Variants in SCN11A observed in about 807,000 individuals in gnomAD.
The protein encoded by SCN11A is sodium channel protein type 11 subunit alpha.
SCN11A carries 122 observed loss-of-function variants against 162.2 expected under a neutral mutation model. The observed-to-expected ratio is 0.75, with a 90% CI of 0.65 to 0.87. The LOEUF (loss-of-function observed/expected upper bound fraction) is 0.87. Ranked by LOEUF, SCN11A falls within the 40% of genes least tolerant of loss-of-function variation. The pLI is 0.00. For missense variants in SCN11A, 2,015 were observed against 2,181.6 expected, an observed-to-expected ratio of 0.92 and a Z score of 1.52; for synonymous variants, 758 against 751.5, an observed-to-expected ratio of 1.01 and a Z score of -0.14.
chr3:38,908,060 G>C lies in SCN11A; in HGVS notation c.1362C>G (p.Thr454=). 6.2e-7 allele frequency: 1 copy of C among 1,613,084 alleles called. No individual in the cohort carries two copies. Among genetic ancestry groups the C allele is most frequent in the Non-Finnish European group, 8.5e-7 (1 of 1,179,744 alleles). Residue 454 remains threonine (T), a synonymous_variant, in exon 14 of 30, where the codon ACC becomes ACG. Coordinates refer to ENST00000302328, the MANE Select transcript of SCN11A (RefSeq NM_001349253.2). The part of the protein sequence containing the change: ...SLTSLETSYF[T]PKKRKLFGNK... ...TACCAAAGAGCTTTCTCTTTTTTGG[G>C]GTAAAATATGATGTTTCAAGGGAAG...
Position 38,846,223 on chromosome 3 carries a change from C to T in SCN11A, c.*471G>A, listed in dbSNP as rs1225211653. ...CCGTCTCCCAGGTTTAAGCGATTCTCCTGCCTCAGCCTCCCAAGTAGCTGG... is the reference window on the plus strand; with the variant it reads ...CCGTCTCCCAGGTTTAAGCGATTCTTCTGCCTCAGCCTCCCAAGTAGCTGG... On this transcript the variant is annotated 3_prime_UTR_variant, in exon 30 of 30. Coordinates refer to ENST00000302328, the MANE Select transcript of SCN11A (RefSeq NM_001349253.2). 6.3e-6 allele frequency: 1 copy of T among 159,280 alleles called. No homozygotes were observed. The highest frequency in any genetic ancestry group is 1.4e-5 in the Non-Finnish European group (1 of 71,708). 9.9% of individuals were successfully genotyped at this position (159,280 alleles called of 1,614,324 possible).
chr3:38,907,993 C>G lies in SCN11A; in HGVS notation c.1429G>C (p.Asp477His), dbSNP rs753043684. ...TCAGAATCTGACCCAGGAGGCTGGT[C>G]TTTCCCAGACTCTCTCAAAAAGAAG... ...KSFFLRESGK[D>H]QPPGSDSDED... Residue 477 changes from aspartate to histidine, a missense_variant, in exon 14 of 30, where the codon GAC (aspartate) becomes CAC (histidine). Coordinates refer to ENST00000302328, the MANE Select transcript of SCN11A (RefSeq NM_001349253.2). 1 of 1,610,896 alleles carries G rather than the reference C, an allele frequency of 6.2e-7. No individual in the cohort carries two copies. The highest frequency in any genetic ancestry group is 1.7e-5 in the Admixed American group (1 of 59,330).
intron 1 of SCN11A, among the ~76,000 whole-genome samples, chr3:39,038,510 G>A (rs899920659): frequency 2.0e-5 from 3 of 152,242 alleles, no homozygotes; most frequent in African/African-American, 7.2e-5. Context: ...TATAACCATT[G>A]CTTCCAATGT....
At chr3:38,932,567 A>T (rs1338917692) in intron 7 of SCN11A, among the ~76,000 whole-genome samples, 1 of 152,328 alleles carries the variant, frequency 6.6e-6, no homozygotes, top group East Asian at 1.9e-4. Flanking sequence ...CCAGGAGATT[A>T]TATCCCGCAC....
intron 11 of SCN11A, among the ~76,000 whole-genome samples, chr3:38,911,130 T>A (rs2065881775): frequency 6.6e-6 from 1 of 152,226 alleles, no homozygotes; most frequent in Non-Finnish European, 1.5e-5. Flanking sequence ...GATTAACTTC[T>A]TGCTATGGTA....
chr3:38,942,818 C>T (rs1485565722), intron 7 of SCN11A, among the ~76,000 whole-genome samples: 1 of 151,962 alleles, frequency 6.6e-6, no homozygotes, highest in African/African-American at 2.4e-5. Flanking sequence ...AAAATCAAAG[C>T]AAATTGAATG....
intron 2 of SCN11A, among the ~76,000 whole-genome samples, chr3:38,963,282 G>A (rs966989751): frequency 2.1e-5 from 3 of 144,606 alleles, no homozygotes; most frequent in Admixed American, 7.1e-5. Flanking sequence ...ATTCACAACT[G>A]CAAAATCATG....
intron 23 of SCN11A, among the ~76,000 whole-genome samples, chr3:38,878,201 C>T (rs893882522): frequency 2.5e-5 from 3 of 119,872 alleles, no homozygotes; most frequent in Non-Finnish European, 5.4e-5. Flanking sequence ...TAAACCCACC[C>T]ATCTCAGCCT....
At chr3:38,902,932 C>CAT (rs2065727455) in intron 16 of SCN11A, among the ~76,000 whole-genome samples, 1 of 151,818 alleles carries the variant, frequency 6.6e-6, no homozygotes, top group South Asian at 2.1e-4. Context: ...TACATACACA[C>CAT]ATACATACAT....
Position 38,885,417 on chromosome 3 carries a change from A to T in SCN11A, c.2950-15T>A, listed in dbSNP as rs1378775142. On this transcript the variant is annotated splice_polypyrimidine_tract_variant and intron_variant, in intron 20 of 29. Coordinates refer to ENST00000302328, the MANE Select transcript of SCN11A (RefSeq NM_001349253.2). ...ACATCAGACTTCTGCACATCAGAAC[A>T]AAACGAAGGGGGTGCCTTTTACTAA... 1 of 1,436,012 alleles carries T rather than the reference A, an allele frequency of 7.0e-7. No individual in the cohort carries two copies. Among genetic ancestry groups the T allele is most frequent in the Non-Finnish European group, 9.8e-7 (1 of 1,018,072 alleles). 89.0% of individuals were successfully genotyped at this position (1,436,012 alleles called of 1,614,324 possible).
intron 2 of SCN11A, among the ~76,000 whole-genome samples, chr3:39,030,079 A>T (rs1486823670): frequency 6.6e-6 from 1 of 152,138 alleles, no homozygotes. Context: ...TAAGGCAGAA[A>T]CTGCTTAAAG....
Position 38,847,541 on chromosome 3 carries a change from ATAAACATAATCAGAAAGAG to A in SCN11A, c.4510_4528del (p.Leu1504SerfsTer7). The A allele has an allele frequency of 6.2e-7, 1 of 1,614,198 alleles. No individual in the cohort carries two copies. Among genetic ancestry groups the A allele is most frequent in the East Asian group, 2.2e-5 (1 of 44,878 alleles). On this transcript the variant is annotated frameshift_variant, in exon 30 of 30. Coordinates refer to ENST00000302328, the MANE Select transcript of SCN11A (RefSeq NM_001349253.2). LOFTEE classifies it low-confidence loss of function (END_TRUNC). ...CCAGTTCATACCCAGAATGGCATAGATAAACATAATCAGAAAGAGTAGAAGACCAATGTTGAACAGAGAA... is the reference window on the plus strand; with the variant it reads ...CCAGTTCATACCCAGAATGGCATAGATAGAAGACCAATGTTGAACAGAGAA...
intron 17 of SCN11A, 83 bp from the exon 18 acceptor site, chr3:38,897,308 A>G (rs1355622146): frequency 7.3e-7 from 1 of 1,366,956 alleles, no homozygotes; most frequent in South Asian, 1.5e-5. Flanking sequence ...AGCAAATGAC[A>G]TATACCCAAA....
chr3:38,862,260 T>C (rs756138521), intron 28 of SCN11A, among the ~76,000 whole-genome samples: 18 of 152,028 alleles, frequency 1.2e-4, no homozygotes, highest in Non-Finnish European at 1.8e-4. Flanking sequence ...ATGGATGTGG[T>C]GAAAAGGGAA....
intron 2 of SCN11A, among the ~76,000 whole-genome samples, chr3:39,021,034 ATC>A (rs768878571): frequency 3.4e-4 from 52 of 151,372 alleles, no homozygotes; most frequent in African/African-American, 1.1e-3. Flanking sequence ...TGACCATAAG[ATC>A]TGTTAAAAAA....
At chr3:38,939,889 G>C (rs1392895259) in intron 7 of SCN11A, among the ~76,000 whole-genome samples, 1 of 150,198 alleles carries the variant, frequency 6.7e-6, no homozygotes, top group African/African-American at 2.5e-5. Context: ...AGCGACAAGA[G>C]TGAAACCCCA....
intron 11 of SCN11A, among the ~76,000 whole-genome samples, chr3:38,913,948 T>C (rs956671801): frequency 1.3e-5 from 2 of 152,182 alleles, no homozygotes; most frequent in African/African-American, 4.8e-5. Flanking sequence ...TTTATACTTT[T>C]TACTTAGGAT....
In SCN11A at chr3:38,929,134, C is replaced by T. The variant is rs796899580; in HGVS notation, c.489-2203G>A. On this transcript the variant is annotated intron_variant, in intron 7 of 29. Coordinates refer to ENST00000302328, the MANE Select transcript of SCN11A (RefSeq NM_001349253.2). ...CTGTCAAAAATACTGGGTCTGTGCACGCACACACACACACACACACACACA... is the reference window on the plus strand; with the variant it reads ...CTGTCAAAAATACTGGGTCTGTGCATGCACACACACACACACACACACACA... Among the ~76,000 whole-genome samples, 6 of 95,650 alleles carry T rather than the reference C, an allele frequency of 6.3e-5. No homozygotes were observed. In the South Asian group the frequency reaches 1.4e-3, roughly 22 times the overall value. 62.8% of individuals were successfully genotyped at this position (95,650 alleles called of 152,430 possible). A position where few individuals can be genotyped will look rare whatever the true frequency, so the allele number is the denominator to read the frequency against.
intron 17 of SCN11A, among the ~76,000 whole-genome samples, chr3:38,897,544 G>A (rs924643228): frequency 5.9e-5 from 9 of 151,834 alleles, no homozygotes; most frequent in African/African-American, 9.7e-5. Context: ...GTGAAACCCC[G>A]TCTCTACTAA....
Sources: allele counts gnomAD v4.1 joint callset (sites outside exome capture counted in the v4.1 genomes callset), GRCh38; gene constraint gnomAD v4.1.1; transcripts MANE v1.5; gene names NCBI Gene and HGNC (gene_info 2026-07-23, HGNC 2026-07-21).